The following SLC2A11 variants were observed in gnomAD, a reference collection of about 807,000 sequenced individuals.
The protein encoded by SLC2A11 is solute carrier family 2 member 11.
In SLC2A11, 43 loss-of-function variants were observed where a neutral mutation model predicts 52.1. That is an observed-to-expected ratio of 0.82 (90% CI 0.65 to 1.06). The LOEUF (loss-of-function observed/expected upper bound fraction) is 1.06. Ranked by LOEUF, SLC2A11 falls within the 50% of genes least tolerant of loss-of-function variation. SLC2A11 has a pLI of 0.00. For missense variants in SLC2A11, 582 were observed against 654.2 expected (o/e 0.89, Z 1.20); for synonymous variants, 261 against 277.6 (o/e 0.94, Z 0.59).
intron 3 of SLC2A11, chr22:23,870,290 A>T: frequency 1.9e-6 from 1 of 516,786 alleles, no homozygotes; most frequent in Non-Finnish European, 3.4e-6. Flanking sequence ...TTTAGCATGT[A>T]TGCCTATTGT....
chr22:23,873,842 A>G (rs190234207), intron 3 of SLC2A11, among the ~76,000 whole-genome samples: 12 of 152,286 alleles, frequency 7.9e-5, no homozygotes, highest in Middle Eastern at 3.4e-3. Flanking sequence ...GTTATAATCT[A>G]CTGTCATTTT....
At chr22:23,880,088 T>C (rs2032748802) in intron 6 of SLC2A11, among the ~76,000 whole-genome samples, 1 of 151,970 alleles carries the variant, frequency 6.6e-6, no homozygotes, top group Non-Finnish European at 1.5e-5. Context: ...GGCACGTACC[T>C]GTAGTCCCAG....
chr22:23,857,983 T>A lies in SLC2A11; in HGVS notation c.-17T>A, dbSNP rs1259318761. 7 of 1,591,608 alleles carry A rather than the reference T, an allele frequency of 4.4e-6. No homozygotes were observed. The highest frequency in any genetic ancestry group is 1.3e-5 in the African/African-American group (1 of 74,198). ...CTCCCTGGGACAGCAAGACCTCCGCTCAGGCCCCTCTTTCGAATGCTCCAC... is the reference window on the plus strand; with the variant it reads ...CTCCCTGGGACAGCAAGACCTCCGCACAGGCCCCTCTTTCGAATGCTCCAC... On this transcript the variant is annotated 5_prime_UTR_variant, in exon 1 of 12. Coordinates refer to ENST00000316185, the MANE Select transcript of SLC2A11 (RefSeq NM_001024939.4).
chr22:23,862,422 A>G (rs1291730686), intron 2 of SLC2A11: 1 of 526,252 alleles, frequency 1.9e-6, no homozygotes, highest in Non-Finnish European at 3.4e-6. Flanking sequence ...AGATGACTCC[A>G]TCTTCCACCT....
At position 23,870,335 on chromosome 22, in the gene SLC2A11, A is replaced by T. The variant is rs969996566; in HGVS notation, c.290+1694A>T. 4.6e-5 allele frequency: 17 copies of T among 368,150 alleles called. No individual in the cohort carries two copies. In the Admixed American group the frequency reaches 7.0e-4, roughly 15 times the overall value. The allele number at this position is 368,150 out of a possible 1,614,324, so 22.8% of individuals were successfully genotyped here. A position where few individuals can be genotyped will look rare whatever the true frequency, so the allele number is the denominator to read the frequency against. The stretch of plus-strand genomic sequence containing the variant: ...AAATGTCTGTTCCCCTCCCCAGGAC[A>T]GGGGGATGTAGTTCTTCCATTCAGC... On this transcript the variant is annotated intron_variant, in intron 3 of 11. Transcript: ENST00000316185.
At chr22:23,881,889 AAC>A (rs1175539873) in intron 6 of SLC2A11, 25 of 112,480 alleles carry the variant, frequency 2.2e-4, no homozygotes, top group Admixed American at 5.7e-4. Context: ...GAGAGAGAGA[AAC>A]ACACACACAC....
At chr22:23,877,331 A>G in intron 5 of SLC2A11, 160 bp downstream of exon 5, 3 of 1,220,128 alleles carry the variant, frequency 2.5e-6, no homozygotes, top group Admixed American at 1.9e-5. Context: ...AATTCACGAA[A>G]TGGGTATCAG....
At chr22:23,867,948 C>T (rs924015472) in intron 2 of SLC2A11, 35 of 334,344 alleles carry the variant, frequency 1.0e-4, no homozygotes, top group Non-Finnish European at 1.9e-4. Flanking sequence ...TGCAAATTAT[C>T]AAACCCACAG....
chr22:23,863,636 G>T (rs2032157544), intron 2 of SLC2A11, among the ~76,000 whole-genome samples: 1 of 45,864 alleles, frequency 2.2e-5, no homozygotes, highest in African/African-American at 7.4e-5. Context: ...TTTTTTTTTG[G>T]GACAGAGTCT....
At chr22:23,875,510 A>G (rs1017873541) in intron 4 of SLC2A11, among the ~76,000 whole-genome samples, 7 of 152,148 alleles carry the variant, frequency 4.6e-5, no homozygotes, top group Non-Finnish European at 1.0e-4. Context: ...TACAGGTCCC[A>G]TGTTTGAGTA....
chr22:23,857,073 T>TGGGGGGGG (rs60895711), upstream of SLC2A11: 3 of 409,886 alleles, frequency 7.3e-6, no homozygotes, highest in Non-Finnish European at 8.0e-6. Context: ...TGTGTGTGTG[T>TGGGGGGGG]GGGGGGGGGG....
intron 3 of SLC2A11, among the ~76,000 whole-genome samples, chr22:23,874,142 C>T (rs901840140): frequency 2.8e-4 from 42 of 152,198 alleles, no homozygotes; most frequent in African/African-American, 9.9e-4. Flanking sequence ...TACAGCCATT[C>T]TGAGTTGTGA....
At chr22:23,862,011 C>T (rs1009015250) in intron 1 of SLC2A11, 93 bp from the exon 2 acceptor site, 133 of 1,041,982 alleles carry the variant, frequency 1.3e-4, no homozygotes, top group South Asian at 3.4e-4. Context: ...CTGCCTGATT[C>T]AAATAAATTG....
intron 5 of SLC2A11, 109 bp from the exon 6 acceptor site, chr22:23,877,612 C>A: frequency 3.7e-6 from 5 of 1,368,058 alleles, no homozygotes; most frequent in Non-Finnish European, 5.0e-6. Flanking sequence ...GGAAGAGGCA[C>A]GGGGCAATTG....
chr22:23,882,683 G>C (rs1326411169), intron 7 of SLC2A11, 37 bp downstream of exon 7: 11 of 1,606,982 alleles, frequency 6.8e-6, no homozygotes, highest in Non-Finnish European at 9.4e-6. Flanking sequence ...CTGGGCCCCG[G>C]GGGCTTGGTG....
At chr22:23,869,836 C>A in intron 3 of SLC2A11, 1 of 594,418 alleles carries the variant, frequency 1.7e-6, no homozygotes, top group Non-Finnish European at 3.0e-6. Context: ...CAAGATGGTG[C>A]CTTGTCCCTG....
At position 23,883,298 on chromosome 22, in the gene SLC2A11, C is replaced by T. The variant is rs965468406; in HGVS notation, c.993+429C>T. On this transcript the variant is annotated intron_variant, in intron 8 of 11. Coordinates refer to ENST00000316185, the MANE Select transcript of SLC2A11 (RefSeq NM_001024939.4). ...CCAGCCTGGGCAACATGGTGAAACC[C>T]CGTCTCTACAAAAAATACAAAAATT... The T allele has an allele frequency of 9.7e-5, 31 of 319,560 alleles. No individual in the cohort carries two copies. The Admixed American group carries it at 1.0e-3, about 11-fold the overall frequency. 19.8% of individuals were successfully genotyped at this position (319,560 alleles called of 1,614,324 possible).
chr22:23,860,351 C>T (rs982933557), intron 1 of SLC2A11, among the ~76,000 whole-genome samples: 1 of 152,000 alleles, frequency 6.6e-6, no homozygotes, highest in African/African-American at 2.4e-5. Flanking sequence ...GAGGTTGAGG[C>T]TGCAGTGAAT....
In SLC2A11 at chr22:23,882,682, G is replaced by A. The variant is rs373028027; in HGVS notation, c.882+36G>A. 1.7e-4 allele frequency: 275 copies of A among 1,605,192 alleles called. 1 individual carries two copies. The African/African-American group carries it at 2.8e-3, about 16-fold the overall frequency. On this transcript the variant is annotated intron_variant, in intron 7 of 11. Coordinates refer to ENST00000316185, the MANE Select transcript of SLC2A11 (RefSeq NM_001024939.4). ...TGCCCCGCCGCACACCCTGGGCCCC[G>A]GGGGCTTGGTGTTGCAGGCCGCTGG...
Sources: gnomAD v4.1 joint callset for allele counts (sites outside exome capture counted in the v4.1 genomes callset) on GRCh38, gnomAD v4.1.1 for gene constraint, MANE v1.5 for transcripts, NCBI Gene and HGNC (gene_info 2026-07-23, HGNC 2026-07-21) for gene names.